The following SPIDR variants were observed in gnomAD, a reference collection of about 807,000 sequenced individuals.
The protein encoded by SPIDR is scaffold protein involved in DNA repair, also known as DNA repair-scaffolding protein.
SPIDR carries 93 observed loss-of-function variants against 104.6 expected under a neutral mutation model. The observed-to-expected ratio is 0.89, with a 90% CI of 0.75 to 1.06. The LOEUF is 1.06. SPIDR is among the 50% of genes least tolerant of loss of function. The pLI is 0.00. For missense variants in SPIDR, 1,154 were observed against 1,111.2 expected, an observed-to-expected ratio of 1.04 and a Z score of -0.55; for synonymous variants, 431 against 416.9, an observed-to-expected ratio of 1.03 and a Z score of -0.41.
At chr8:47,558,797 G>A (rs559004971) in intron 8 of SPIDR, among the ~76,000 whole-genome samples, 163 of 152,032 alleles carry the variant, frequency 1.1e-3, no homozygotes, top group African/African-American at 3.6e-3. Context: ...CCACCACCAC[G>A]CCCAGCTAAT....
intron 5 of SPIDR, among the ~76,000 whole-genome samples, chr8:47,355,429 G>C (rs1002784213): frequency 5.9e-5 from 9 of 151,442 alleles, no homozygotes; most frequent in African/African-American, 2.2e-4. Context: ...CTAGCCTACA[G>C]TTGCTCACCA....
At chr8:47,483,138 GTTTGTTTTGTTTTGT>G (rs150219948) in intron 8 of SPIDR, among the ~76,000 whole-genome samples, 4 of 150,894 alleles carry the variant, frequency 2.7e-5, no homozygotes, top group South Asian at 2.1e-4. Flanking sequence ...GTTTTTTTTT[GTTTGTTTTGTTTTGT>G]TTTGTTTTGT....
intron 8 of SPIDR, among the ~76,000 whole-genome samples, chr8:47,537,520 G>A (rs1199415510): frequency 6.6e-6 from 1 of 152,136 alleles, no homozygotes; most frequent in African/African-American, 2.4e-5. Flanking sequence ...GCAAAACTAT[G>A]GAAATAGTAA....
chr8:47,563,107 G>A (rs935145161), intron 8 of SPIDR, among the ~76,000 whole-genome samples: 2 of 139,464 alleles, frequency 1.4e-5, no homozygotes, highest in East Asian at 4.2e-4. Flanking sequence ...TACATGTTTT[G>A]TTCATTAAAT....
intron 8 of SPIDR, among the ~76,000 whole-genome samples, chr8:47,481,180 G>A (rs116655837): frequency 1.7e-4 from 26 of 152,298 alleles, no homozygotes; most frequent in African/African-American, 6.0e-4. Context: ...CACTATCACA[G>A]TGTTATGACT....
intron 5 of SPIDR, among the ~76,000 whole-genome samples, chr8:47,369,281 A>ACAGACATGAT (rs2057681319): frequency 6.6e-6 from 1 of 152,250 alleles, no homozygotes; most frequent in Non-Finnish European, 1.5e-5. Flanking sequence ...CAAAGGTTAC[A>ACAGACATGAT]CAGACATGAT....
chr8:47,321,166 A>T (rs2046491594), intron 5 of SPIDR, among the ~76,000 whole-genome samples: 1 of 152,224 alleles, frequency 6.6e-6, no homozygotes, highest in Non-Finnish European at 1.5e-5. Context: ...CCCTGTTTGC[A>T]GATGATACGA....
At chr8:47,540,324 T>C (rs2087848628) in intron 8 of SPIDR, among the ~76,000 whole-genome samples, 1 of 152,216 alleles carries the variant, frequency 6.6e-6, no homozygotes, top group Non-Finnish European at 1.5e-5. Flanking sequence ...GCTAACTTTT[T>C]ATATTCAAAT....
chr8:47,294,952 GGCTGCTTAGT>G (rs1299270412), intron 5 of SPIDR, among the ~76,000 whole-genome samples: 6 of 151,860 alleles, frequency 4.0e-5, no homozygotes, highest in Non-Finnish European at 7.4e-5. Flanking sequence ...ATATTAATTA[GGCTGCTTAGT>G]GTTGCGTCAT....
chr8:47,310,333 C>CAAAAAAAAAAAA (rs1166703089), intron 5 of SPIDR, among the ~76,000 whole-genome samples: 1 of 54,876 alleles, frequency 1.8e-5, no homozygotes, highest in South Asian at 6.1e-4. Context: ...GACTCCATCT[C>CAAAAAAAAAAAA]AAAAAAAAAA....
In SPIDR at chr8:47,735,453, G is replaced by T; in HGVS notation, c.*3G>T. ...GAGGGGCCTCTGCAGAACACTAGCG[G>T]TTGCCGCAGGATCTGTGAACTTTGC... On this transcript the variant is annotated 3_prime_UTR_variant, in exon 20 of 20. Coordinates refer to ENST00000297423, the MANE Select transcript of SPIDR (RefSeq NM_001080394.4). 1 of 1,614,060 alleles carries T rather than the reference G, an allele frequency of 6.2e-7. No homozygotes were observed. The highest frequency in any genetic ancestry group is 8.5e-7 in the Non-Finnish European group (1 of 1,180,024).
chr8:47,460,478 T>A (rs1371769233), intron 8 of SPIDR, among the ~76,000 whole-genome samples: 1 of 152,236 alleles, frequency 6.6e-6, no homozygotes, highest in Non-Finnish European at 1.5e-5. Context: ...TAAAAATAGC[T>A]ACTCCTGCTC....
chr8:47,680,416 C>T (rs2154475134), intron 11 of SPIDR, among the ~76,000 whole-genome samples: 1 of 152,298 alleles, frequency 6.6e-6, no homozygotes, highest in African/African-American at 2.4e-5. Flanking sequence ...CAGAGCCCAT[C>T]ACGTTCCATC....
intron 5 of SPIDR, among the ~76,000 whole-genome samples, chr8:47,354,264 T>C (rs1441807160): frequency 2.0e-5 from 3 of 152,136 alleles, no homozygotes; most frequent in Non-Finnish European, 4.4e-5. Context: ...TATATACCTA[T>C]GAAGATATAT....
At chr8:47,296,057 A>G (rs1337272369) in intron 5 of SPIDR, among the ~76,000 whole-genome samples, 1 of 152,094 alleles carries the variant, frequency 6.6e-6, no homozygotes, top group Non-Finnish European at 1.5e-5. Flanking sequence ...ATTTTAATAT[A>G]TATCTGTTGG....
chr8:47,281,054 A>G lies in SPIDR; in HGVS notation c.189+1037A>G, dbSNP rs1440239306. ...ATATTGCAATAAAGTGATCACATGAATTCTTTGGTTTCCCAGTGCCTATAA... is the reference window on the plus strand; with the variant it reads ...ATATTGCAATAAAGTGATCACATGAGTTCTTTGGTTTCCCAGTGCCTATAA... On this transcript the variant is annotated intron_variant, in intron 2 of 19. Coordinates refer to ENST00000297423, the MANE Select transcript of SPIDR (RefSeq NM_001080394.4). Among the ~76,000 whole-genome samples, 3 of 152,218 alleles carry G rather than the reference A, an allele frequency of 2.0e-5. 1 individual carries two copies. The highest frequency in any genetic ancestry group is 4.4e-5 in the Non-Finnish European group (3 of 68,050).
intron 11 of SPIDR, among the ~76,000 whole-genome samples, chr8:47,682,249 A>G (rs866005316): frequency 1.1e-4 from 16 of 149,682 alleles, no homozygotes; most frequent in African/African-American, 3.9e-4. Context: ...ACATGATGCT[A>G]AGTCCAAAAA....
intron 8 of SPIDR, among the ~76,000 whole-genome samples, chr8:47,450,575 T>C (rs1257065472): frequency 6.6e-6 from 1 of 152,228 alleles, no homozygotes; most frequent in Non-Finnish European, 1.5e-5. Flanking sequence ...AGTTGTTGTA[T>C]TGTAGGACTG....
chr8:47,647,492 A>G (rs1336941004), intron 10 of SPIDR, among the ~76,000 whole-genome samples: 1 of 152,072 alleles, frequency 6.6e-6, no homozygotes, highest in African/African-American at 2.4e-5. Flanking sequence ...GTGCACGCCT[A>G]TAATCTCAGC....
Sources: allele counts gnomAD v4.1 joint callset (sites outside exome capture counted in the v4.1 genomes callset), GRCh38; gene constraint gnomAD v4.1.1; transcripts MANE v1.5; gene names NCBI Gene and HGNC (gene_info 2026-07-23, HGNC 2026-07-21).